PDE4DIP: variants seen among roughly 807,000 people sequenced by gnomAD.
PDE4DIP encodes the protein phosphodiesterase 4D interacting protein.
Under a neutral mutation model 221.4 loss-of-function variants are expected in PDE4DIP, and 59 were observed. The ratio of observed to expected loss-of-function variants is 0.27; its 90% CI spans 0.22 to 0.33. The LOEUF (loss-of-function observed/expected upper bound fraction) is 0.33, where lower values mean the gene tolerates loss of function less well. Ranked by LOEUF, PDE4DIP falls within the 10% of genes least tolerant of loss-of-function variation. PDE4DIP has a pLI of 1.00. For synonymous variants in PDE4DIP, 404 were observed against 815.9 expected, an observed-to-expected ratio of 0.50 and a Z score of 8.60; for missense variants, 1,036 against 2,154.2, an observed-to-expected ratio of 0.48 and a Z score of 10.28.
intron 22 of PDE4DIP, among the ~76,000 whole-genome samples, chr1:148,997,499 G>A (rs2064539322): frequency 6.6e-6 from 1 of 152,156 alleles, no homozygotes; most frequent in Admixed American, 6.5e-5. Flanking sequence ...TGCTTGGCAG[G>A]ATGGCTTCAC....
At chr1:148,934,947 G>C (rs1487277135) in intron 4 of PDE4DIP, among the ~76,000 whole-genome samples, 8 of 151,876 alleles carry the variant, frequency 5.3e-5, no homozygotes, top group African/African-American at 1.9e-4. Context: ...ATTTCTCCTG[G>C]GAATCATGGC....
intron 17 of PDE4DIP, among the ~76,000 whole-genome samples, chr1:148,975,157 G>A (rs1390498942): frequency 2.7e-5 from 4 of 148,122 alleles, no homozygotes; most frequent in Admixed American, 2.7e-4. Context: ...GGCAACAAGA[G>A]CAAAACTCCG....
intron 1 of PDE4DIP, among the ~76,000 whole-genome samples, chr1:148,917,696 GAT>G (rs1417970903): frequency 2.3e-5 from 3 of 133,224 alleles, no homozygotes; most frequent in Admixed American, 7.5e-5. Context: ...GTCTCATTTT[GAT>G]ATATCTTTTC....
rs151058495 is a variant in PDE4DIP at position 149,029,878 on chromosome 1, A to T, written c.6905A>T (p.Asn2302Ile). The T allele has an allele frequency of 1.2e-3, 1,963 of 1,601,540 alleles. 8 individuals are homozygous for T. The highest frequency in any genetic ancestry group is 2.6e-3 in the East Asian group (116 of 44,698). ...CAGAGCACAACTGAGCATCTGAAGA[A>T]CGCCAACCAGCAGAAGGAGAGCATG... The change falls in exon 42 of 44, where the codon AAC becomes ATC. Residue 2302 changes from asparagine to isoleucine, a missense_variant. Transcript: ENST00000369354.
intron 22 of PDE4DIP, among the ~76,000 whole-genome samples, chr1:148,994,585 T>C (rs2063768582): frequency 6.6e-6 from 1 of 151,592 alleles, no homozygotes; most frequent in Non-Finnish European, 1.5e-5. Context: ...TATATGATTA[T>C]ATATATATAT....
At chr1:148,983,371 A>T (rs1412210519) in intron 21 of PDE4DIP, 1 of 152,154 alleles carries the variant, frequency 6.6e-6, no homozygotes, top group Non-Finnish European at 1.5e-5. Flanking sequence ...GTTTATGTTA[A>T]TAATCACTCC....
At chr1:148,992,128 A>G in intron 22 of PDE4DIP, 155 bp downstream of exon 25, 2 of 901,062 alleles carry the variant, frequency 2.2e-6, no homozygotes. Context: ...TGAACTTCCC[A>G]GCTGCCTTTC....
chr1:148,960,734 C>T (rs1553508585), exon 6 of PDE4DIP: 2 of 532,424 alleles, frequency 3.8e-6, no homozygotes. Context: ...TATCTGATTC[C>T]CACTTGGCAG....
Position 148,969,049 on chromosome 1 carries a change from A to G in PDE4DIP, c.1980+19A>G, listed in dbSNP as rs374716975. Reference sequence around the variant, plus strand: ...AAGCCAAGTAAGGATTAATGCACAGATCAGACAAGTGTCATGTAGTGCATT... The same window carrying G: ...AAGCCAAGTAAGGATTAATGCACAGGTCAGACAAGTGTCATGTAGTGCATT... On this transcript the variant is annotated intron_variant, in intron 14 of 43. Coordinates refer to ENST00000369354, the Ensembl canonical transcript of PDE4DIP. The G allele has an allele frequency of 3.6e-5, 57 of 1,593,480 alleles. No homozygotes were observed. In the African/African-American group the frequency reaches 6.8e-4, roughly 19 times the overall value.
intron 1 of PDE4DIP, among the ~76,000 whole-genome samples, chr1:148,922,813 C>A (rs1282817500): frequency 2.0e-5 from 3 of 150,996 alleles, no homozygotes; most frequent in Non-Finnish European, 4.4e-5. Flanking sequence ...GGTCTCATTT[C>A]CTGACCTCGT....
At chr1:148,948,420 C>T (rs782015174) in intron 5 of PDE4DIP, among the ~76,000 whole-genome samples, 9 of 149,180 alleles carry the variant, frequency 6.0e-5, no homozygotes, top group South Asian at 2.1e-4. Context: ...TGCAGTGAGC[C>T]GAGATTGTGC....
At chr1:149,000,388 C>A (rs1245762525) in intron 23 of PDE4DIP, among the ~76,000 whole-genome samples, 2 of 152,046 alleles carry the variant, frequency 1.3e-5, no homozygotes, top group East Asian at 3.9e-4. Context: ...AACCCCTTCG[C>A]TGCTAAAAAT....
At chr1:148,820,583 A>C (rs1204286295) in intron 1 of PDE4DIP, among the ~76,000 whole-genome samples, 1 of 139,568 alleles carries the variant, frequency 7.2e-6, no homozygotes, top group Non-Finnish European at 1.6e-5. Flanking sequence ...AAAAAAAAGA[A>C]AGAAAGTAGT....
chr1:148,898,897 T>A lies in PDE4DIP; in HGVS notation c.141+9003T>A, dbSNP rs1309586545. Among the ~76,000 whole-genome samples, 2 of 113,602 alleles carry A rather than the reference T, an allele frequency of 1.8e-5. 1 individual carries two copies. The highest frequency in any genetic ancestry group is 7.8e-5 in the African/African-American group (2 of 25,670). The allele number at this position is 113,602 out of a possible 152,430, so 74.5% of individuals were successfully genotyped here. The stretch of plus-strand genomic sequence containing the variant: ...GCCAGGCTGGAGTGCAGTGGCATGA[T>A]CTCGGCTCACTGCAACCTCCGTCTC... On this transcript the variant is annotated intron_variant, in intron 1 of 43. Transcript: ENST00000369354.
chr1:148,876,991 G>A (rs1691681079), intron 3 of PDE4DIP, among the ~76,000 whole-genome samples: 1 of 143,474 alleles, frequency 7.0e-6, no homozygotes, highest in Non-Finnish European at 1.5e-5. Context: ...CAGCCTGGGT[G>A]ACAGAGCTAG....
intron 23 of PDE4DIP, among the ~76,000 whole-genome samples, chr1:149,000,731 C>A (rs1189308604): frequency 1.3e-5 from 2 of 151,058 alleles, no homozygotes; most frequent in African/African-American, 4.9e-5. Flanking sequence ...CCTGTTAGAC[C>A]CTGAGCTAGC....
At position 148,814,028 on chromosome 1, in the gene PDE4DIP, C is replaced by T. The variant is rs1230315051; in HGVS notation, c.233+5291C>T. ...AGTGCAGTGGCACAATCTTGGCTCA[C>T]GGCAACCTTCGCCTCCTGGGTTCAA... is the stretch of plus-strand genomic sequence containing the variant. On this transcript the variant is annotated intron_variant, in intron 1 of 45. Transcript: ENST00000524974. 2.9e-4 allele frequency among the ~76,000 whole-genome samples: 6 copies of T among 20,422 alleles called. No individual in the cohort carries two copies. The East Asian group carries it at 5.2e-3, about 18-fold the overall frequency. The allele number at this position is 20,422 out of a possible 152,430, so 13.4% of individuals were successfully genotyped here.
intron 21 of PDE4DIP, chr1:148,983,985 G>A (rs2061505340): frequency 6.6e-6 from 1 of 152,038 alleles, no homozygotes; most frequent in Non-Finnish European, 1.5e-5. Flanking sequence ...GTAGGTTTTA[G>A]AAGTATAGAG....
At chr1:148,963,149 C>A (rs1407858929) in intron 9 of PDE4DIP, among the ~76,000 whole-genome samples, 7 of 152,170 alleles carry the variant, frequency 4.6e-5, no homozygotes, top group Non-Finnish European at 1.0e-4. Context: ...ACCTTGGCCT[C>A]CCTCACGTAA....
Sources: gnomAD v4.1 joint callset for allele counts (sites outside exome capture counted in the v4.1 genomes callset) on GRCh38, gnomAD v4.1.1 for gene constraint, MANE v1.5 for transcripts, NCBI Gene and HGNC (gene_info 2026-07-23, HGNC 2026-07-21) for gene names.